SOAT2: variants seen among roughly 807,000 people sequenced by gnomAD.
The protein encoded by SOAT2 is ACAT-2.
A neutral mutation model predicts 76.0 loss-of-function variants in SOAT2; 87 were observed. The ratio of observed to expected loss-of-function variants is 1.14; its 90% CI spans 0.96 to 1.37. The LOEUF (loss-of-function observed/expected upper bound fraction) is 1.37, where lower values mean the gene tolerates loss of function less well. SOAT2 is among the 40% of genes most tolerant of loss of function. The pLI, the probability that SOAT2 is intolerant of heterozygous loss-of-function variation, is 0.00. For missense variants in SOAT2, 686 were observed against 682.1 expected (o/e 1.01, Z -0.06); for synonymous variants, 285 against 275.4 (o/e 1.03, Z -0.34).
rs943448559 is a variant in SOAT2, at chr12:53,103,632, G to A, written c.55G>A (p.Glu19Lys). ...RLQRTEGLGG[E>K]RERQPCGDGN... ...GCAGAGGACAGAAGGGCTGGGAGGGGAGCGGGAGCGCCAACCCTGTGGAGA... is the reference window on the plus strand; with the variant it reads ...GCAGAGGACAGAAGGGCTGGGAGGGAAGCGGGAGCGCCAACCCTGTGGAGA... Residue 19 changes from glutamate to lysine, a missense_variant, in exon 1 of 15, where the codon GAG becomes AAG. By Grantham distance (56) the Glu-to-Lys change is moderately conservative (BLOSUM62 1). Transcript: ENST00000301466. 1 of 1,542,638 alleles carries A rather than the reference G, an allele frequency of 6.5e-7. No individual in the cohort carries two copies. Among genetic ancestry groups the A allele is most frequent in the African/African-American group, 1.4e-5 (1 of 72,940 alleles).
At chr12:53,123,691 C>G (rs745642743) in intron 13 of SOAT2, 37 bp from the exon 14 acceptor site, 1 of 1,613,184 alleles carries the variant, frequency 6.2e-7, no homozygotes, top group Non-Finnish European at 8.5e-7. Context: ...ACAAGGCACT[C>G]CTGGAGCTGG....
rs777735515 is a variant in SOAT2 at position 53,124,170 on chromosome 12, T to C, written c.*47T>C. On this transcript the variant is annotated 3_prime_UTR_variant, in exon 15 of 15. Transcript: ENST00000301466. ...CCTGCCCAGACACCACCAAGTTCTC[T>C]GCCTGCAAAACCTGGGACCAGGACT... The C allele has an allele frequency of 6.2e-7, 1 of 1,607,636 alleles. No homozygotes were observed. The highest frequency in any genetic ancestry group is 8.5e-7 in the Non-Finnish European group (1 of 1,174,238).
chr12:53,104,991 T>TC, intron 2 of SOAT2, 116 bp from the exon 3 acceptor site: 1 of 1,224,730 alleles, frequency 8.2e-7, no homozygotes, highest in African/African-American at 1.6e-5. Context: ...CCAGGTTGTT[T>TC]TTTTTTTTAA....
Position 53,120,830 on chromosome 12 carries a change from T to C in SOAT2, c.1084T>C (p.Trp362Arg), listed in dbSNP as rs758712556. Residue 362 changes from tryptophan (W) to arginine (R), a missense_variant, in exon 11 of 15, where the codon TGG becomes CGG. Coordinates refer to ENST00000301466, the MANE Select transcript of SOAT2 (RefSeq NM_003578.4). ...CATCTTCTTTGCCTTCCTCCATTGCTGGCTCAACGCCTTTGCCGAGATGCT... is the reference window on the plus strand; with the variant it reads ...CATCTTCTTTGCCTTCCTCCATTGCCGGCTCAACGCCTTTGCCGAGATGCT... ...LLIFFAFLHC[W>R]LNAFAEMLRF... is the part of the protein sequence containing the mutation. The C allele has an allele frequency of 6.2e-7, 1 of 1,614,030 alleles. No individual in the cohort carries two copies. Among genetic ancestry groups the C allele is most frequent in the Admixed American group, 1.7e-5 (1 of 60,004 alleles).
At position 53,120,848 on chromosome 12, in the gene SOAT2, G is replaced by A. The variant is rs143680647; in HGVS notation, c.1102G>A (p.Glu368Lys). ...CCATTGCTGGCTCAACGCCTTTGCC[G>A]AGATGCTACGATTTGGAGACAGGAT... ...FLHCWLNAFA[E>K]MLRFGDRMFY... The change falls in exon 11 of 15, where the codon GAG becomes AAG. Residue 368 changes from glutamate to lysine, a missense_variant. By Grantham distance (56) the Glu-to-Lys change is moderately conservative (BLOSUM62 1). Coordinates refer to ENST00000301466, the MANE Select transcript of SOAT2 (RefSeq NM_003578.4). 34 of 1,613,880 alleles carry A rather than the reference G, an allele frequency of 2.1e-5. No individual in the cohort carries two copies. The highest frequency in any genetic ancestry group is 4.0e-5 in the African/African-American group (3 of 74,892).
intron 5 of SOAT2, among the ~76,000 whole-genome samples, chr12:53,114,323 C>T (rs922837338): frequency 1.2e-4 from 19 of 152,168 alleles, no homozygotes; most frequent in African/African-American, 3.6e-4. Context: ...ATTAAAAAAA[C>T]TAAAAATGAT....
At chr12:53,113,759 A>G (rs1329550112) in intron 5 of SOAT2, among the ~76,000 whole-genome samples, 1 of 152,256 alleles carries the variant, frequency 6.6e-6, no homozygotes, top group Non-Finnish European at 1.5e-5. Flanking sequence ...ATCTAAAGAC[A>G]TAAGTGATTA....
chr12:53,123,258 G>A (rs1938222548), intron 13 of SOAT2, 42 bp downstream of exon 13: 3 of 1,611,012 alleles, frequency 1.9e-6, no homozygotes, highest in Non-Finnish European at 2.5e-6. Flanking sequence ...CCATCCAGAG[G>A]GAGGCCTGCA....
In SOAT2 at chr12:53,105,137, C is replaced by T; in HGVS notation, c.169C>T (p.Gln57Ter). The T allele has an allele frequency of 1.3e-6, 2 of 1,567,626 alleles. No homozygotes were observed. The highest frequency in any genetic ancestry group is 1.7e-6 in the Non-Finnish European group (2 of 1,156,090). Residue 57 changes from glutamine to a stop codon, truncating the protein, a stop_gained, in exon 3 of 15, where the codon CAG becomes TAG. Coordinates refer to ENST00000301466, the MANE Select transcript of SOAT2 (RefSeq NM_003578.4). LOFTEE classifies it high-confidence loss of function. ...AVKAQLLEQAQGQLRELLDRA... is the reference protein window; with the variant it reads ...AVKAQLLEQA ...GAAGGCACAATTGCTGGAGCAAGCG[C>T]AGGGACAACTGAGGGAGCTGCTGGA...
intron 3 of SOAT2, 82 bp downstream of exon 3, chr12:53,105,325 C>T: frequency 6.7e-7 from 1 of 1,499,010 alleles, no homozygotes. Flanking sequence ...CCCTTGCCAG[C>T]TTTATCAGGA....
At chr12:53,108,341 CT>C (rs1304355599) in intron 5 of SOAT2, among the ~76,000 whole-genome samples, 4 of 152,150 alleles carry the variant, frequency 2.6e-5, no homozygotes, top group African/African-American at 9.7e-5. Flanking sequence ...AGTTCGATTC[CT>C]TAAAAAAGAG....
intron 12 of SOAT2, among the ~76,000 whole-genome samples, chr12:53,122,755 A>G (rs866012572): frequency 5.9e-5 from 9 of 152,172 alleles, no homozygotes; most frequent in African/African-American, 1.9e-4. Context: ...CACCGCAACC[A>G]TCCGATTTCT....
rs376897464 is a variant in SOAT2, at chr12:53,112,861, A to G, written c.444-2529A>G. ...AGTGGTGCAATCTCAGCTCACTGCAACCTCTGCCTCCTGGGTTCAAGCAAT... is the reference window on the plus strand; with the variant it reads ...AGTGGTGCAATCTCAGCTCACTGCAGCCTCTGCCTCCTGGGTTCAAGCAAT... On this transcript the variant is annotated intron_variant, in intron 5 of 14. Coordinates refer to ENST00000301466, the MANE Select transcript of SOAT2 (RefSeq NM_003578.4). 4.8e-5 allele frequency among the ~76,000 whole-genome samples: 7 copies of G among 146,786 alleles called. No individual in the cohort carries two copies. The East Asian group carries it at 6.2e-4, about 13-fold the overall frequency.
At position 53,110,342 on chromosome 12, in the gene SOAT2, G is replaced by A. The variant is rs138549233; in HGVS notation, c.443+4328G>A. On this transcript the variant is annotated intron_variant, in intron 5 of 14. Transcript: ENST00000301466. ...CAGATAAGGTCTGACTTATTCCAGC[G>A]TCTAACTCCATGTGTCCTAGGACTT... 3.6e-3 allele frequency among the ~76,000 whole-genome samples: 552 copies of A among 152,302 alleles called. 3 individuals are homozygous for A. Among genetic ancestry groups the A allele is most frequent in the African/African-American group, 0.011 (459 of 41,574 alleles).
chr12:53,117,016 T>A (rs1592278431), intron 7 of SOAT2, among the ~76,000 whole-genome samples: 1 of 150,446 alleles, frequency 6.6e-6, no homozygotes, highest in Non-Finnish European at 1.5e-5. Context: ...TGGAGTGCAG[T>A]GGCACGATCT....
intron 5 of SOAT2, among the ~76,000 whole-genome samples, chr12:53,111,952 G>C (rs1938017766): frequency 6.6e-6 from 1 of 152,160 alleles, no homozygotes; most frequent in African/African-American, 2.4e-5. Context: ...AGACGTATTA[G>C]GCATGCCAAT....
At chr12:53,112,568 G>C (rs1482739658) in intron 5 of SOAT2, among the ~76,000 whole-genome samples, 1 of 137,996 alleles carries the variant, frequency 7.2e-6, no homozygotes, top group East Asian at 2.2e-4. Context: ...AAAAAGACAA[G>C]GTCCTAGGAG....
rs1183787699 is a variant in SOAT2 at position 53,115,665 on chromosome 12, A to T, written c.708+11A>T. On this transcript the variant is annotated intron_variant, in intron 6 of 14. Coordinates refer to ENST00000301466, the MANE Select transcript of SOAT2 (RefSeq NM_003578.4). ...CTGGTCTTCGAGCAGGTGAGGGCCG[A>T]GCCCTGCTGACGGACAGGAAGGAAC... The T allele has an allele frequency of 6.7e-7, 1 of 1,503,320 alleles. No individual in the cohort carries two copies. Among genetic ancestry groups the T allele is most frequent in the South Asian group, 1.3e-5 (1 of 76,446 alleles). 93.1% of individuals were successfully genotyped at this position (1,503,320 alleles called of 1,614,324 possible). A position where few individuals can be genotyped will look rare whatever the true frequency, so the allele number is the denominator to read the frequency against.
chr12:53,121,308 G>C lies in SOAT2; in HGVS notation c.1143G>C (p.Trp381Cys). The C allele has an allele frequency of 6.2e-7, 1 of 1,613,764 alleles. No homozygotes were observed. The highest frequency in any genetic ancestry group is 1.1e-5 in the South Asian group (1 of 91,080). The part of the protein sequence containing the change: ...RFGDRMFYRD[W>C]WNSTSFSNYY... Reference sequence around the variant, plus strand: ...TCTGACCCCACCTTCTCCAGGACTGGTGGAACTCAACGTCCTTCTCCAACT... The same window carrying C: ...TCTGACCCCACCTTCTCCAGGACTGCTGGAACTCAACGTCCTTCTCCAACT... Residue 381 changes from tryptophan (W) to cysteine (C), a missense_variant, in exon 12 of 15, where the codon TGG becomes TGC. Coordinates refer to ENST00000301466, the MANE Select transcript of SOAT2 (RefSeq NM_003578.4).
Sources: allele counts gnomAD v4.1 joint callset (sites outside exome capture counted in the v4.1 genomes callset), GRCh38; gene constraint gnomAD v4.1.1; transcripts MANE v1.5; gene names NCBI Gene and HGNC (gene_info 2026-07-23, HGNC 2026-07-21).